The following KANK1 variants were observed in gnomAD, a reference collection of about 807,000 sequenced individuals.
The protein encoded by KANK1 is KN motif and ankyrin repeat domain-containing protein 1.
Under a neutral mutation model 106.2 loss-of-function variants are expected in KANK1, and 109 were observed. The ratio of observed to expected loss-of-function variants is 1.03; its 90% CI spans 0.88 to 1.20. The LOEUF (loss-of-function observed/expected upper bound fraction) is 1.20, where lower values mean the gene tolerates loss of function less well. KANK1 is among the 50% of genes most tolerant of loss of function. The pLI is 0.00. For synonymous variants in KANK1, 873 were observed against 652.2 expected (o/e 1.34, Z -5.16); for missense variants, 2,399 against 1,710.7 (o/e 1.40, Z -7.10).
At chr9:732,048 G>A (rs1044466428) in intron 5 of KANK1, 2 of 193,952 alleles carry the variant, frequency 1.0e-5, no homozygotes, top group African/African-American at 4.7e-5. Context: ...AGGAAGACAT[G>A]GGGTGGGGGG....
Position 711,890 on chromosome 9 carries a change from A to G in KANK1, c.1124A>G (p.Gln375Arg). 1 of 1,614,210 alleles carries G rather than the reference A, an allele frequency of 6.2e-7. No homozygotes were observed. Among genetic ancestry groups the G allele is most frequent in the Non-Finnish European group, 8.5e-7 (1 of 1,180,020 alleles). The change falls in exon 3 of 12, where the codon CAA becomes CGA. Residue 375 changes from glutamine (Q) to arginine (R), a missense_variant. Physicochemically the swap from Gln to Arg is conservative, Grantham distance 43. Transcript: ENST00000382297. ...TTCCGGCAACTTACAGCAGACATGC[A>G]AGCCCTGGAGCAGAAGATCCAGGAC... Reference protein sequence around the residue: ...KEFRQLTADMQALEQKIQDSS... With the variant: ...KEFRQLTADMRALEQKIQDSS...
At position 623,950 on chromosome 9, in the gene KANK1, C is replaced by CA. The variant is rs1833780337; in HGVS notation, c.-83-52939dup. 4.6e-5 allele frequency among the ~76,000 whole-genome samples: 7 copies of CA among 151,784 alleles called. No individual in the cohort carries two copies. In the South Asian group the frequency reaches 1.5e-3, roughly 32 times the overall value. ...CTTCCATATTTATTTCAGCATTACT[C>CA]ACAATAGCAAAGATATGGAAACAAC... On this transcript the variant is annotated intron_variant, in intron 1 of 11. Transcript: ENST00000382297.
intron 3 of KANK1, 30 bp downstream of exon 3, chr9:713,494 A>G (rs2130989863): frequency 2.0e-6 from 3 of 1,520,602 alleles, no homozygotes; most frequent in East Asian, 2.3e-5. Context: ...CCTGGGAATG[A>G]GGAAGGATGG....
At chr9:611,508 C>T (rs370031324) in intron 1 of KANK1, among the ~76,000 whole-genome samples, 2 of 152,312 alleles carry the variant, frequency 1.3e-5, no homozygotes, top group East Asian at 3.9e-4. Flanking sequence ...TGCACAGAAG[C>T]TGAATCCAAA....
chr9:592,190 A>C (rs1218769963), intron 1 of KANK1, among the ~76,000 whole-genome samples: 1 of 151,806 alleles, frequency 6.6e-6, no homozygotes, highest in Non-Finnish European at 1.5e-5. Flanking sequence ...AAGGCAGCCA[A>C]ATTCTCTTAC....
At chr9:511,193 G>C (rs1359768981) in intron 1 of KANK1, among the ~76,000 whole-genome samples, 1 of 152,166 alleles carries the variant, frequency 6.6e-6, no homozygotes, top group Admixed American at 6.5e-5. Context: ...AAATGTGTAT[G>C]GGTGGGAATT....
At chr9:654,558 A>G (rs931379924) in intron 1 of KANK1, among the ~76,000 whole-genome samples, 1 of 142,774 alleles carries the variant, frequency 7.0e-6, no homozygotes, top group East Asian at 2.1e-4. Flanking sequence ...CAGAAGGGAC[A>G]ATGTAATATA....
chr9:636,690 A>G (rs1477931701), intron 1 of KANK1, among the ~76,000 whole-genome samples: 1 of 152,024 alleles, frequency 6.6e-6, no homozygotes, highest in South Asian at 2.1e-4. Flanking sequence ...ACATAATGAA[A>G]CCCCATATCT....
chr9:605,889 C>A (rs1828985090), intron 1 of KANK1, among the ~76,000 whole-genome samples: 2 of 151,546 alleles, frequency 1.3e-5, no homozygotes, highest in South Asian at 4.2e-4. Flanking sequence ...GACTAACTGG[C>A]CCATACACCA....
intron 1 of KANK1, among the ~76,000 whole-genome samples, chr9:552,593 A>G (rs922664155): frequency 2.3e-4 from 35 of 152,200 alleles, no homozygotes; most frequent in Admixed American, 2.3e-3. Context: ...GAACCAGAAG[A>G]AACTTGGAAT....
chr9:695,216 A>G (rs1460860755), intron 2 of KANK1, among the ~76,000 whole-genome samples: 1 of 152,084 alleles, frequency 6.6e-6, no homozygotes, highest in Non-Finnish European at 1.5e-5. Context: ...GGCTTAAAGC[A>G]CCGTCTTTGC....
chr9:574,595 G>T (rs1223629149), intron 1 of KANK1, among the ~76,000 whole-genome samples: 1 of 152,132 alleles, frequency 6.6e-6, no homozygotes, highest in African/African-American at 2.4e-5. Context: ...GGTGGCTTAT[G>T]CCTGTAATCC....
At chr9:561,727 C>A (rs1816487312) in intron 1 of KANK1, among the ~76,000 whole-genome samples, 1 of 152,192 alleles carries the variant, frequency 6.6e-6, no homozygotes, top group Non-Finnish European at 1.5e-5. Flanking sequence ...TCTAAGGCTC[C>A]TTAAAAAATG....
chr9:516,859 C>T (rs1204625398), intron 1 of KANK1, among the ~76,000 whole-genome samples: 1 of 151,620 alleles, frequency 6.6e-6, no homozygotes, highest in East Asian at 1.9e-4. Flanking sequence ...ACCTGTCCTT[C>T]AGGTGATTAG....
At chr9:690,307 A>G (rs1035684612) in intron 2 of KANK1, among the ~76,000 whole-genome samples, 6 of 140,230 alleles carry the variant, frequency 4.3e-5, no homozygotes, top group African/African-American at 1.6e-4. Context: ...CTCTGTCTCA[A>G]AAAAAAGAAA....
intron 3 of KANK1, among the ~76,000 whole-genome samples, chr9:716,571 C>G (rs912415197): frequency 1.3e-5 from 2 of 152,150 alleles, no homozygotes; most frequent in South Asian, 2.1e-4. Flanking sequence ...CAGAGTCATT[C>G]AGAATCCGTG....
chr9:670,661 C>T (rs1206933750), intron 1 of KANK1, among the ~76,000 whole-genome samples: 1 of 152,114 alleles, frequency 6.6e-6, no homozygotes, highest in Non-Finnish European at 1.5e-5. Flanking sequence ...AGTTACAGAG[C>T]GGAGCTTCCA....
At chr9:623,737 A>G (rs1251647930) in intron 1 of KANK1, among the ~76,000 whole-genome samples, 2 of 152,214 alleles carry the variant, frequency 1.3e-5, no homozygotes, top group Non-Finnish European at 2.9e-5. Flanking sequence ...AAAAAGACAA[A>G]ATATAACAAG....
At chr9:487,194 A>G (rs986215053) in intron 3 of KANK1, among the ~76,000 whole-genome samples, 16 of 152,200 alleles carry the variant, frequency 1.1e-4, no homozygotes, top group African/African-American at 3.9e-4. Context: ...CCAACTTACA[A>G]TGGTTTGGCT....
Sources: allele counts gnomAD v4.1 joint callset (sites outside exome capture counted in the v4.1 genomes callset), GRCh38; gene constraint gnomAD v4.1.1; transcripts MANE v1.5; gene names NCBI Gene and HGNC (gene_info 2026-07-23, HGNC 2026-07-21).